Variants in EPHA3 observed in about 807,000 individuals in gnomAD.
EPHA3 encodes EPH receptor A3.
In EPHA3, 42 loss-of-function variants were observed where a neutral mutation model predicts 107.1. The ratio of observed to expected loss-of-function variants is 0.39; its 90% CI spans 0.31 to 0.51. EPHA3 has a LOEUF of 0.51. Among genes scored for constraint, EPHA3 ranks in the 20% least tolerant of loss-of-function variants. EPHA3 has a pLI of 0.78. For synonymous variants in EPHA3, 461 were observed against 424.8 expected (o/e 1.09, Z -1.05); for missense variants, 1,183 against 1,211.2 (o/e 0.98, Z 0.35).
At chr3:89,378,967 A>C (rs988041421) in intron 5 of EPHA3, among the ~76,000 whole-genome samples, 2 of 152,192 alleles carry the variant, frequency 1.3e-5, no homozygotes, top group Admixed American at 1.3e-4. Context: ...TGGACTTAAG[A>C]AATAGAATCG....
At chr3:89,139,287 C>T (rs1490922372) in intron 2 of EPHA3, among the ~76,000 whole-genome samples, 4 of 151,742 alleles carry the variant, frequency 2.6e-5, no homozygotes, top group Admixed American at 6.6e-5. Flanking sequence ...AACTGATAGC[C>T]GCACACTTCA....
At chr3:89,311,846 T>C (rs1312573419) in intron 3 of EPHA3, among the ~76,000 whole-genome samples, 1 of 152,052 alleles carries the variant, frequency 6.6e-6, no homozygotes, top group African/African-American at 2.4e-5. Flanking sequence ...GCAATATAAC[T>C]TGGAATATTT....
chr3:89,381,523 G>T (rs535449563), intron 5 of EPHA3, among the ~76,000 whole-genome samples: 2 of 151,866 alleles, frequency 1.3e-5, no homozygotes, highest in South Asian at 2.1e-4. Context: ...ACAAAAATTA[G>T]CCCGGCATGG....
At chr3:89,212,261 A>C (rs1704119767) in intron 3 of EPHA3, among the ~76,000 whole-genome samples, 1 of 152,022 alleles carries the variant, frequency 6.6e-6, no homozygotes, top group Non-Finnish European at 1.5e-5. Context: ...CATGTATATA[A>C]CTTAAAATTT....
chr3:89,446,418 T>G (rs1709877569), intron 13 of EPHA3, among the ~76,000 whole-genome samples: 1 of 152,182 alleles, frequency 6.6e-6, no homozygotes. Flanking sequence ...CCTTTCAGTA[T>G]ATCATTATTT....
At chr3:89,251,342 T>A (rs946761629) in intron 3 of EPHA3, among the ~76,000 whole-genome samples, 8 of 151,992 alleles carry the variant, frequency 5.3e-5, no homozygotes, top group African/African-American at 1.2e-4. Flanking sequence ...ATAATTTTTT[T>A]AAAAGAGGAG....
intron 9 of EPHA3, among the ~76,000 whole-genome samples, chr3:89,410,276 A>C (rs1709133579): frequency 1.3e-5 from 2 of 152,034 alleles, no homozygotes; most frequent in African/African-American, 2.4e-5. Context: ...TTAATTTTCA[A>C]ATTATTTAGT....
chr3:89,460,022 T>G (rs568354437), intron 15 of EPHA3, among the ~76,000 whole-genome samples: 1 of 152,324 alleles, frequency 6.6e-6, no homozygotes, highest in Admixed American at 6.5e-5. Flanking sequence ...TTTATTCACT[T>G]ATTTTATAAC....
intron 15 of EPHA3, among the ~76,000 whole-genome samples, chr3:89,453,569 T>G (rs1163025356): frequency 2.0e-5 from 3 of 152,144 alleles, no homozygotes; most frequent in Non-Finnish European, 2.9e-5. Flanking sequence ...GCAATTATAT[T>G]TATATTTTTA....
At chr3:89,384,391 C>T (rs2107489476) in intron 5 of EPHA3, among the ~76,000 whole-genome samples, 1 of 152,196 alleles carries the variant, frequency 6.6e-6, no homozygotes, top group South Asian at 2.1e-4. Flanking sequence ...GCTATATTTT[C>T]TGGAAAGTGA....
intron 3 of EPHA3, among the ~76,000 whole-genome samples, chr3:89,259,086 T>C (rs929262632): frequency 6.6e-5 from 10 of 152,198 alleles, no homozygotes; most frequent in African/African-American, 2.4e-4. Context: ...GTGAAGAGTA[T>C]GTGGGGATGC....
At chr3:89,272,241 G>A (rs888011708) in intron 3 of EPHA3, among the ~76,000 whole-genome samples, 11 of 151,326 alleles carry the variant, frequency 7.3e-5, no homozygotes, top group African/African-American at 2.7e-4. Context: ...TTGTTCAAGG[G>A]TCAACCGTAC....
intron 3 of EPHA3, among the ~76,000 whole-genome samples, chr3:89,286,447 G>A (rs1383191356): frequency 3.3e-5 from 5 of 152,086 alleles, no homozygotes; most frequent in Non-Finnish European, 7.4e-5. Flanking sequence ...AAAGGCGAAA[G>A]CAGGGAGACC....
intron 5 of EPHA3, among the ~76,000 whole-genome samples, chr3:89,357,655 T>A (rs1223943076): frequency 6.6e-6 from 1 of 151,222 alleles, no homozygotes; most frequent in Non-Finnish European, 1.5e-5. Context: ...TTTCAAGTAG[T>A]AAAGCTTGTT....
intron 9 of EPHA3, among the ~76,000 whole-genome samples, chr3:89,410,331 A>G (rs1475271515): frequency 6.6e-6 from 1 of 151,980 alleles, no homozygotes; most frequent in Non-Finnish European, 1.5e-5. Context: ...TATATTCTCT[A>G]CAAGCTGACT....
intron 2 of EPHA3, among the ~76,000 whole-genome samples, chr3:89,146,232 C>T (rs1206351879): frequency 6.6e-6 from 1 of 151,874 alleles, no homozygotes; most frequent in African/African-American, 2.4e-5. Flanking sequence ...CCATTAGTCA[C>T]TTAGTAGCTG....
At position 89,472,596 on chromosome 3, in the gene EPHA3, C is replaced by A; in HGVS notation, c.2823C>A (p.Asp941Glu). 1.2e-6 allele frequency: 2 copies of A among 1,609,762 alleles called. No homozygotes were observed. The highest frequency in any genetic ancestry group is 1.7e-6 in the Non-Finnish European group (2 of 1,177,828). The change falls in exon 16 of 17, where the codon GAC becomes GAA. Residue 941 changes from aspartate (D) to glutamate (E), a missense_variant. Transcript: ENST00000336596. ...CGGGTGTGGAGTACAGTTCTTGTGA[C>A]ACAATAGCCAAGATTTCCACAGAGT... The part of the protein sequence containing the change: ...IFTGVEYSSC[D>E]TIAKISTDDM...
intron 2 of EPHA3, among the ~76,000 whole-genome samples, chr3:89,147,852 T>C (rs1704600522): frequency 6.6e-6 from 1 of 151,824 alleles, no homozygotes; most frequent in Non-Finnish European, 1.5e-5. Context: ...ATAAATTCAG[T>C]AAAAATCAGT....
At chr3:89,350,254 C>G (rs1707777432) in intron 5 of EPHA3, among the ~76,000 whole-genome samples, 1 of 150,194 alleles carries the variant, frequency 6.7e-6, no homozygotes, top group Non-Finnish European at 1.5e-5. Context: ...TCAGGTACAC[C>G]AATCAGACGT....
Sources: allele counts gnomAD v4.1 joint callset (sites outside exome capture counted in the v4.1 genomes callset), GRCh38; gene constraint gnomAD v4.1.1; transcripts MANE v1.5; gene names NCBI Gene and HGNC (gene_info 2026-07-23, HGNC 2026-07-21).